Variants in EVC observed in about 807,000 individuals in gnomAD.
EVC encodes evC complex member EVC.
Under a neutral mutation model 118.9 loss-of-function variants are expected in EVC, and 116 were observed. The ratio of observed to expected loss-of-function variants is 0.98; its 90% CI spans 0.84 to 1.14. EVC has a LOEUF of 1.14. Among genes scored for constraint, EVC ranks in the 50% most tolerant of loss-of-function variants. The pLI is 0.00. For synonymous variants in EVC, 619 were observed against 534.7 expected, an observed-to-expected ratio of 1.16 and a Z score of -2.18; for missense variants, 1,401 against 1,246.4, an observed-to-expected ratio of 1.12 and a Z score of -1.87.
chr4:5,729,545 C>T (rs1231805140), intron 3 of EVC, among the ~76,000 whole-genome samples, 155 bp downstream of exon 3: 1 of 152,148 alleles, frequency 6.6e-6, no homozygotes, highest in Non-Finnish European at 1.5e-5. Flanking sequence ...GGCTCAGGAA[C>T]AGGACATGCC....
At chr4:5,744,026 G>C (rs746904944) in intron 6 of EVC, among the ~76,000 whole-genome samples, 5 of 152,178 alleles carry the variant, frequency 3.3e-5, no homozygotes, top group Non-Finnish European at 5.9e-5. Flanking sequence ...AAGGCTGTCT[G>C]AACTTAAGCA....
chr4:5,741,985 GTAT>G (rs1173340432), intron 6 of EVC, among the ~76,000 whole-genome samples, 171 bp downstream of exon 6: 1 of 151,694 alleles, frequency 6.6e-6, no homozygotes, highest in African/African-American at 2.4e-5. Flanking sequence ...TTTAAAAAGT[GTAT>G]TATTAAAATT....
In EVC at chr4:5,810,975, G is replaced by C; in HGVS notation, c.2917G>C (p.Glu973Gln). 6.2e-7 allele frequency: 1 copy of C among 1,613,054 alleles called. No individual in the cohort carries two copies. The highest frequency in any genetic ancestry group is 1.7e-5 in the Admixed American group (1 of 59,998). Residue 973 changes from glutamate to glutamine, a missense_variant, in exon 21 of 21, where the codon GAA (glutamate) becomes CAA (glutamine). Glu to Gln is a conservative substitution (Grantham distance 29). Transcript: ENST00000264956. ...SLSSKRLSQQESEAGDSGNSK... is the reference protein window; with the variant it reads ...SLSSKRLSQQQSEAGDSGNSK... ...AAGCAGCAAAAGGCTGAGTCAGCAA[G>C]AAAGTGAAGCTGGGGACAGTGGGAA...
In EVC at chr4:5,796,886, T is replaced by G. The variant is rs948022796; in HGVS notation, c.1887-136T>G. 4 of 744,204 alleles carry G rather than the reference T, an allele frequency of 5.4e-6. No individual in the cohort carries two copies. In the African/African-American group the frequency reaches 6.9e-5, roughly 13 times the overall value. The allele number at this position is 744,204 out of a possible 1,614,324, so 46.1% of individuals were successfully genotyped here. On this transcript the variant is annotated intron_variant, in intron 13 of 20. Transcript: ENST00000264956. ...CAGGGAGCACCCATGCCTAAGAGGA[T>G]GGCAGCAGAGGGCGGTGATTCCAAC...
intron 1 of EVC, among the ~76,000 whole-genome samples, chr4:5,716,647 G>A (rs866819255): frequency 6.6e-6 from 1 of 152,156 alleles, no homozygotes; most frequent in Admixed American, 6.5e-5. Context: ...GTTTCTGCAG[G>A]GAAACCAAAC....
intron 11 of EVC, among the ~76,000 whole-genome samples, chr4:5,772,805 A>G (rs1320672250): frequency 1.3e-5 from 2 of 152,052 alleles, no homozygotes; most frequent in Non-Finnish European, 1.5e-5. Flanking sequence ...AGTTCCCCCA[A>G]GGGTGCACTT....
downstream of EVC, among the ~76,000 whole-genome samples, chr4:5,817,236 T>C (rs1019160155): frequency 6.6e-6 from 1 of 152,194 alleles, no homozygotes; most frequent in East Asian, 1.9e-4. Flanking sequence ...GGGAGGGCAG[T>C]GGCTATAGAG....
chr4:5,775,364 C>T (rs1396161694), intron 11 of EVC, among the ~76,000 whole-genome samples: 1 of 152,120 alleles, frequency 6.6e-6, no homozygotes, highest in Non-Finnish European at 1.5e-5. Context: ...GACCCCAGAA[C>T]ACCCCCAATG....
chr4:5,765,721 G>C (rs1470395110), intron 11 of EVC, among the ~76,000 whole-genome samples: 1 of 132,000 alleles, frequency 7.6e-6, no homozygotes. Flanking sequence ...GACTAGGATT[G>C]CAACCCCTGC....
intron 11 of EVC, among the ~76,000 whole-genome samples, chr4:5,775,331 A>G (rs540148314): frequency 2.0e-5 from 3 of 152,306 alleles, no homozygotes; most frequent in Admixed American, 1.3e-4. Context: ...AACCATATAG[A>G]GCAAGAAAGA....
At chr4:5,713,382 A>G (rs1402476722) in intron 1 of EVC, among the ~76,000 whole-genome samples, 1 of 152,200 alleles carries the variant, frequency 6.6e-6, no homozygotes, top group African/African-American at 2.4e-5. Flanking sequence ...GCTGCCTGCA[A>G]AAGATAATGC....
chr4:5,799,179 C>T (rs567994712), intron 15 of EVC, among the ~76,000 whole-genome samples: 97 of 152,270 alleles, frequency 6.4e-4, no homozygotes, highest in South Asian at 4.1e-3. Context: ...TGCCCCTGGC[C>T]GCCTCTGCTG....
intron 12 of EVC, among the ~76,000 whole-genome samples, chr4:5,788,370 C>T (rs904078281): frequency 3.9e-5 from 6 of 152,144 alleles, no homozygotes; most frequent in African/African-American, 1.4e-4. Flanking sequence ...CACATGGCTC[C>T]CCCTCTCAGG....
intron 11 of EVC, among the ~76,000 whole-genome samples, chr4:5,766,321 C>T (rs1289689121): frequency 1.3e-5 from 2 of 150,472 alleles, no homozygotes; most frequent in Admixed American, 6.6e-5. Flanking sequence ...ACCTTTCTCT[C>T]TGGCTGCCCT....
chr4:5,761,776 G>A (rs1037187722), intron 11 of EVC, among the ~76,000 whole-genome samples: 7 of 151,816 alleles, frequency 4.6e-5, no homozygotes, highest in Non-Finnish European at 1.0e-4. Context: ...AGCAAGGGAA[G>A]GGGTACAATG....
chr4:5,803,030 G>A (rs894435766), intron 16 of EVC, among the ~76,000 whole-genome samples: 2 of 152,210 alleles, frequency 1.3e-5, no homozygotes, highest in East Asian at 3.8e-4. Context: ...CAGTGGTCCA[G>A]GGGGTGTTTG....
At chr4:5,767,086 A>G (rs368684756) in intron 11 of EVC, among the ~76,000 whole-genome samples, 1 of 150,150 alleles carries the variant, frequency 6.7e-6, no homozygotes, top group Non-Finnish European at 1.5e-5. Flanking sequence ...TTTGGTGTGG[A>G]TGTCCTTTCT....
At chr4:5,745,971 A>T (rs1729303700) in intron 7 of EVC, among the ~76,000 whole-genome samples, 1 of 152,176 alleles carries the variant, frequency 6.6e-6, no homozygotes, top group African/African-American at 2.4e-5. Context: ...GGCACAGTGG[A>T]GGGAAGAGTT....
At chr4:5,773,182 C>T (rs575493329) in intron 11 of EVC, among the ~76,000 whole-genome samples, 29 of 152,280 alleles carry the variant, frequency 1.9e-4, no homozygotes, top group African/African-American at 6.7e-4. Context: ...TATCCCAGAG[C>T]GTTCACTTTT....
Sources: allele counts gnomAD v4.1 joint callset (sites outside exome capture counted in the v4.1 genomes callset), GRCh38; gene constraint gnomAD v4.1.1; transcripts MANE v1.5; gene names NCBI Gene and HGNC (gene_info 2026-07-23, HGNC 2026-07-21).